Variants in SPTB observed in about 807,000 individuals in gnomAD.
SPTB encodes spectrin beta chain, erythrocytic.
Under a neutral mutation model 256.2 loss-of-function variants are expected in SPTB, and 45 were observed. That is an observed-to-expected ratio of 0.18 (90% CI 0.14 to 0.23). The LOEUF (loss-of-function observed/expected upper bound fraction) is 0.23, where lower values mean the gene tolerates loss of function less well. Ranked by LOEUF, SPTB falls within the 10% of genes least tolerant of loss-of-function variation. SPTB has a pLI of 1.00. For missense variants in SPTB, 2,715 were observed against 3,040.4 expected, an observed-to-expected ratio of 0.89 and a Z score of 2.52; for synonymous variants, 1,231 against 1,243.1, an observed-to-expected ratio of 0.99 and a Z score of 0.21.
chr14:64,844,912 T>C lies in SPTB; in HGVS notation c.-51-21767A>G, dbSNP rs1012068888. 1.3e-5 allele frequency among the ~76,000 whole-genome samples: 2 copies of C among 152,222 alleles called. No individual in the cohort carries two copies. Among genetic ancestry groups the C allele is most frequent in the African/African-American group, 4.8e-5 (2 of 41,446 alleles). ...ACTTTGGAGATGGAGAAGAAGATGA[T>C]CTTCCTAAAACTTCTGAGCATTTCA... On this transcript the variant is annotated intron_variant, in intron 1 of 35. Coordinates refer to ENST00000644917, the MANE Select transcript of SPTB (RefSeq NM_001355436.2). This position sits in a 1 kb window ranked among gnomAD's most constrained non-coding sequence, Gnocchi z 4.1.
rs761315155 is a variant in SPTB, at chr14:64,749,311, T to A, written c.6982A>T (p.Lys2328Ter). ...EKRFSFFPKK[K>*] ...GCGCCCGCCAGCCCCACCTGCTACTTCTTTTTGGGGAAGAAGCTGAATCTC... is the reference window on the plus strand; with the variant it reads ...GCGCCCGCCAGCCCCACCTGCTACTACTTTTTGGGGAAGAAGCTGAATCTC... The change falls in exon 36 of 36, where the codon AAG becomes TAG. Residue 2328 changes from lysine (K) to a stop codon, truncating the protein, a stop_gained. Coordinates refer to ENST00000644917, the MANE Select transcript of SPTB (RefSeq NM_001355436.2). LOFTEE classifies it high-confidence loss of function. The surrounding 1 kb of genome is among the most constrained non-coding windows in gnomAD (Gnocchi z 4.7). The A allele has an allele frequency of 7.5e-6, 12 of 1,602,390 alleles. No homozygotes were observed. The highest frequency in any genetic ancestry group is 6.7e-5 in the South Asian group (6 of 89,798).
chr14:64,796,847 T>A lies in SPTB; in HGVS notation c.1183-132A>T. ...AGCCTGATGCTCTTGGGTGACGTGG[T>A]AGCAGATTAAAGATCAATAAAAGCC... On this transcript the variant is annotated intron_variant, in intron 10 of 35. Transcript: ENST00000644917. The surrounding 1 kb of genome is among the most constrained non-coding windows in gnomAD (Gnocchi z 4.1). 1 of 1,207,918 alleles carries A rather than the reference T, an allele frequency of 8.3e-7. No homozygotes were observed. The highest frequency in any genetic ancestry group is 1.2e-6 in the Non-Finnish European group (1 of 843,660). The allele number at this position is 1,207,918 out of a possible 1,614,324, so 74.8% of individuals were successfully genotyped here.
intron 1 of SPTB, among the ~76,000 whole-genome samples, chr14:64,860,269 C>A (rs1378218012): frequency 1.3e-5 from 2 of 152,242 alleles, no homozygotes; most frequent in Non-Finnish European, 1.5e-5. Context: ...GGAGTCTCAT[C>A]TTTCACCCAC....
In SPTB at chr14:64,775,551, G is replaced by A; in HGVS notation, c.4564-148C>T. ...GGTGATGGCGATAAGAACTACCAAT[G>A]ACCTCTTGCGGGCTGCTAAGCACCT... On this transcript the variant is annotated intron_variant, in intron 22 of 35. Coordinates refer to ENST00000644917, the MANE Select transcript of SPTB (RefSeq NM_001355436.2). This position sits in a 1 kb window ranked among gnomAD's most constrained non-coding sequence, Gnocchi z 5.0. The A allele has an allele frequency of 9.1e-7, 1 of 1,101,818 alleles. No homozygotes were observed. Among genetic ancestry groups the A allele is most frequent in the Non-Finnish European group, 1.3e-6 (1 of 789,928 alleles). The allele number at this position is 1,101,818 out of a possible 1,614,324, so 68.3% of individuals were successfully genotyped here. A position where few individuals can be genotyped will look rare whatever the true frequency, so the allele number is the denominator to read the frequency against.
intron 30 of SPTB, 44 bp from the exon 31 acceptor site, chr14:64,767,396 G>A (rs376965133): frequency 2.3e-5 from 37 of 1,612,174 alleles, no homozygotes; most frequent in Middle Eastern, 1.6e-4. Flanking sequence ...CCACAGAGGC[G>A]AGTTGTGTTC....
At chr14:64,780,633 G>A (rs529984479) in intron 20 of SPTB, among the ~76,000 whole-genome samples, 2 of 152,246 alleles carry the variant, frequency 1.3e-5, no homozygotes, top group East Asian at 3.9e-4. Flanking sequence ...GGCTGGTCTC[G>A]AACTCCTGAC....
At chr14:64,771,604 C>T (rs1459351594) in intron 26 of SPTB, among the ~76,000 whole-genome samples, 3 of 152,142 alleles carry the variant, frequency 2.0e-5, no homozygotes, top group African/African-American at 7.2e-5. Context: ...TCCTGAGTCC[C>T]CGTTCTTAAC....
chr14:64,761,915 A>AGT (rs1224555848), intron 32 of SPTB, among the ~76,000 whole-genome samples: 6 of 152,138 alleles, frequency 3.9e-5, no homozygotes, highest in African/African-American at 1.2e-4. Flanking sequence ...CTCCAATGTT[A>AGT]ACTGAGTCTC....
Position 64,758,837 on chromosome 14 carries a change from T to C in SPTB, c.6346-5044A>G, listed in dbSNP as rs2082053625. ...AGCCCTGCAAGTATGTGAGTGTGTA[T>C]GTGTATGTAAAGATCTTTTGCAATT... On this transcript the variant is annotated intron_variant, in intron 32 of 35. Coordinates refer to ENST00000644917, the MANE Select transcript of SPTB (RefSeq NM_001355436.2). The surrounding 1 kb of genome is among the most constrained non-coding windows in gnomAD (Gnocchi z 4.6). Among the ~76,000 whole-genome samples, 1 of 151,886 alleles carries C rather than the reference T, an allele frequency of 6.6e-6. No homozygotes were observed. Among genetic ancestry groups the C allele is most frequent in the Non-Finnish European group, 1.5e-5 (1 of 67,972 alleles).
chr14:64,769,894 G>A (rs1046177069), intron 27 of SPTB, among the ~76,000 whole-genome samples, 166 bp from the exon 28 acceptor site: 6 of 152,206 alleles, frequency 3.9e-5, no homozygotes, highest in Non-Finnish European at 8.8e-5. Context: ...GCCCCAGCAG[G>A]AACACAGATG....
At chr14:64,821,675 G>A (rs1473389504) in intron 2 of SPTB, among the ~76,000 whole-genome samples, 2 of 152,212 alleles carry the variant, frequency 1.3e-5, no homozygotes, top group African/African-American at 4.8e-5. Flanking sequence ...AACCAAGGGA[G>A]AATTTTGTGG....
In SPTB at chr14:64,792,946, G is replaced by C. The variant is rs762541428; in HGVS notation, c.2666+51C>G. 23 of 1,612,784 alleles carry C rather than the reference G, an allele frequency of 1.4e-5. No homozygotes were observed. The highest frequency in any genetic ancestry group is 1.9e-5 in the Non-Finnish European group (23 of 1,179,740). On this transcript the variant is annotated intron_variant, in intron 14 of 35. Coordinates refer to ENST00000644917, the MANE Select transcript of SPTB (RefSeq NM_001355436.2). The surrounding 1 kb of genome is among the most constrained non-coding windows in gnomAD (Gnocchi z 4.2). Reference sequence around the variant, plus strand: ...CTATTACCAAACTAGGTGGGAGATGGTGCCCAGGCCTGGGTACAGGGACGT... The same window carrying C: ...CTATTACCAAACTAGGTGGGAGATGCTGCCCAGGCCTGGGTACAGGGACGT...
intron 1 of SPTB, among the ~76,000 whole-genome samples, chr14:64,855,522 T>TATG (rs1235630024): frequency 3.7e-4 from 19 of 50,948 alleles, no homozygotes; most frequent in Non-Finnish European, 7.4e-4. Flanking sequence ...TTATTATTAT[T>TATG]TTTAAATCTT....
rs893081944 is a variant in SPTB, at chr14:64,816,404, T to A, written c.148+6543A>T. ...GGACCTTGGCAACACCGGTGGCCTA[T>A]CAGGCCTGTGAAGTGGCCCCTGCCT... On this transcript the variant is annotated intron_variant, in intron 2 of 35. Transcript: ENST00000644917. The surrounding 1 kb of genome is among the most constrained non-coding windows in gnomAD (Gnocchi z 4.2). Among the ~76,000 whole-genome samples, 1 of 152,190 alleles carries A rather than the reference T, an allele frequency of 6.6e-6. No homozygotes were observed. Among genetic ancestry groups the A allele is most frequent in the Non-Finnish European group, 1.5e-5 (1 of 68,028 alleles).
chr14:64,765,444 T>C (rs2082155742), intron 32 of SPTB, among the ~76,000 whole-genome samples: 1 of 152,152 alleles, frequency 6.6e-6, no homozygotes, highest in Non-Finnish European at 1.5e-5. Flanking sequence ...CTAAGGGGCC[T>C]GCTCCAGGTA....
chr14:64,813,350 G>A (rs2083126194), intron 2 of SPTB, among the ~76,000 whole-genome samples: 1 of 152,170 alleles, frequency 6.6e-6, no homozygotes, highest in South Asian at 2.1e-4. Context: ...AGAAAGATAA[G>A]TAGGAGCCAA....
chr14:64,810,583 G>A (rs2083069701), intron 2 of SPTB, among the ~76,000 whole-genome samples: 1 of 152,118 alleles, frequency 6.6e-6, no homozygotes, highest in African/African-American at 2.4e-5. Context: ...AAGAGACTGA[G>A]GCATGAGAAT....
chr14:64,785,561 C>T lies in SPTB; in HGVS notation c.3831G>A (p.Gln1277=). 1 of 1,613,812 alleles carries T rather than the reference C, an allele frequency of 6.2e-7. No homozygotes were observed. Among genetic ancestry groups the T allele is most frequent in the Non-Finnish European group, 8.5e-7 (1 of 1,179,912 alleles). The change falls in exon 18 of 36, where the codon CAG becomes CAA. Residue 1277 remains glutamine (Q), a synonymous_variant. Transcript: ENST00000644917. The surrounding 1 kb of genome is among the most constrained non-coding windows in gnomAD (Gnocchi z 4.4). ...SVLLRDNLEL[Q]NFLQNCQELT... ...CCTCCTGGCAGTTCTGGAGGAAGTT[C>T]TGTAGCTCCAGGTTGTCTCTCAGTA... is the stretch of plus-strand genomic sequence containing the variant.
rs1421009353 is a variant in SPTB, at chr14:64,834,890, T to C, written c.-51-11745A>G. On this transcript the variant is annotated intron_variant, in intron 1 of 35. Coordinates refer to ENST00000644917, the MANE Select transcript of SPTB (RefSeq NM_001355436.2). The stretch of plus-strand genomic sequence containing the variant: ...TGAGAAGTCTTTTATAGTTTCTTTC[T>C]CGTGTCACAGAAATGTCAGTCTTAG... Among the ~76,000 whole-genome samples, 6 of 152,244 alleles carry C rather than the reference T, an allele frequency of 3.9e-5. No individual in the cohort carries two copies. The East Asian group carries it at 1.2e-3, about 29-fold the overall frequency.
Sources: gnomAD v4.1 joint callset for allele counts (sites outside exome capture counted in the v4.1 genomes callset) on GRCh38, gnomAD v4.1.1 for gene constraint, Gnocchi (gnomAD v3.1) non-coding constraint, MANE v1.5 for transcripts, NCBI Gene and HGNC (gene_info 2026-07-23, HGNC 2026-07-21) for gene names.